Variants in ACCSL observed in about 807,000 individuals in gnomAD.
ACCSL encodes probable inactive 1-aminocyclopropane-1-carboxylate synthase-like protein 2.
A neutral mutation model predicts 61.7 loss-of-function variants in ACCSL; 55 were observed. The ratio of observed to expected loss-of-function variants is 0.89; its 90% CI spans 0.72 to 1.12. ACCSL has a LOEUF of 1.12. Ranked by LOEUF, ACCSL falls within the 50% of genes most tolerant of loss-of-function variation. The pLI is 0.00. For synonymous variants in ACCSL, 258 were observed against 264.3 expected, an observed-to-expected ratio of 0.98 and a Z score of 0.23; for missense variants, 632 against 698.0, an observed-to-expected ratio of 0.91 and a Z score of 1.07.
At chr11:43,943,915 G>T in the ACCSL span, 60 of 1,176,414 alleles carry the variant, frequency 5.1e-5, no homozygotes, top group Admixed American at 1.0e-4. This position sits in a 1 kb window ranked among gnomAD's most constrained non-coding sequence, Gnocchi z 4.8. Context: ...TTGCACCTTC[G>T]GGGTCCAGGC....
the ACCSL span, among the ~76,000 whole-genome samples, chr11:44,000,945 A>G: frequency 6.6e-6 from 1 of 152,184 alleles, no homozygotes; most frequent in Non-Finnish European, 1.5e-5. Context: ...AGGCTGAGGC[A>G]CCGATAAGTT....
chr11:43,966,135 G>T, the ACCSL span, among the ~76,000 whole-genome samples: 1 of 152,088 alleles, frequency 6.6e-6, no homozygotes, highest in Non-Finnish European at 1.5e-5. Context: ...CATCAAAATT[G>T]AAAATTTTGG....
At chr11:44,035,794 C>T in the ACCSL span, among the ~76,000 whole-genome samples, 1 of 151,722 alleles carries the variant, frequency 6.6e-6, no homozygotes, top group Non-Finnish European at 1.5e-5. Flanking sequence ...AAAAATTAGC[C>T]AGGCATGGTG....
chr11:43,930,316 A>G, the ACCSL span, among the ~76,000 whole-genome samples: 1 of 152,124 alleles, frequency 6.6e-6, no homozygotes, highest in Non-Finnish European at 1.5e-5. Flanking sequence ...TCCCATCTGT[A>G]AAATGTAGGG....
chr11:43,982,106 A>G, the ACCSL span, among the ~76,000 whole-genome samples: 1 of 152,066 alleles, frequency 6.6e-6, no homozygotes, highest in African/African-American at 2.4e-5. Context: ...ACCCAGGCTA[A>G]CTGCAGCCTG....
the ACCSL span, among the ~76,000 whole-genome samples, chr11:44,034,324 C>G: frequency 2.0e-5 from 3 of 152,204 alleles, no homozygotes; most frequent in African/African-American, 7.2e-5. Context: ...GTGATTTTGA[C>G]ATGGCCCCTG....
the ACCSL span, among the ~76,000 whole-genome samples, chr11:43,952,401 A>G: frequency 6.6e-6 from 1 of 152,244 alleles, no homozygotes; most frequent in East Asian, 1.9e-4. Context: ...TTCTGCCTCC[A>G]AAGAAAGAAG....
chr11:43,952,058 C>CT, the ACCSL span, among the ~76,000 whole-genome samples: 65 of 146,922 alleles, frequency 4.4e-4, 1 homozygote, highest in Middle Eastern at 3.5e-3. Flanking sequence ...ATATAGGTAT[C>CT]TTTTTTTTTT....
At chr11:43,954,394 G>A in the ACCSL span, among the ~76,000 whole-genome samples, 239 of 152,228 alleles carry the variant, frequency 1.6e-3, 2 homozygotes, top group East Asian at 0.02. Context: ...CTGGTCTGCA[G>A]CAAAATGGGG....
the ACCSL span, among the ~76,000 whole-genome samples, chr11:43,987,546 G>A: frequency 6.6e-6 from 1 of 152,192 alleles, no homozygotes; most frequent in Admixed American, 6.5e-5. Flanking sequence ...AGCTGCAGCT[G>A]CTGTCTGGGA....
At chr11:43,951,305 G>T in the ACCSL span, among the ~76,000 whole-genome samples, 441 of 152,268 alleles carry the variant, frequency 2.9e-3, no homozygotes, top group Non-Finnish European at 4.6e-3. Context: ...TTTCTCCAAG[G>T]CCACCCAAGG....
the ACCSL span, among the ~76,000 whole-genome samples, chr11:44,041,830 C>T: frequency 1.8e-4 from 28 of 152,064 alleles, no homozygotes; most frequent in Non-Finnish European, 3.7e-4. Context: ...AGGAGGCTGG[C>T]TTTTTAGCTG....
the ACCSL span, among the ~76,000 whole-genome samples, chr11:44,006,492 CTT>C: frequency 1.4e-5 from 2 of 141,142 alleles, no homozygotes. Flanking sequence ...CTACTCACCT[CTT>C]TGAGATTTTT....
chr11:44,056,325 A>T lies in ACCSL; in HGVS notation c.1326A>T (p.Thr442=). 1 of 1,612,960 alleles carries T rather than the reference A, an allele frequency of 6.2e-7. No individual in the cohort carries two copies. The highest frequency in any genetic ancestry group is 8.5e-7 in the Non-Finnish European group (1 of 1,179,584). ...QHKLCQLLQN[T]EWIDKVYLPT... is the part of the protein sequence containing the mutation. ...AGCTGTGTCAACTGCTCCAGAACACAGGTACTGAGCTCTAGCACAGACCAG... is the reference window on the plus strand; with the variant it reads ...AGCTGTGTCAACTGCTCCAGAACACTGGTACTGAGCTCTAGCACAGACCAG... The change falls in exon 11 of 14, where the codon ACA becomes ACT. Residue 442 remains threonine (T), a splice_region_variant and synonymous_variant. Transcript: ENST00000378832.
the ACCSL span, among the ~76,000 whole-genome samples, chr11:43,951,506 G>T: frequency 6.6e-6 from 1 of 152,152 alleles, no homozygotes; most frequent in African/African-American, 2.4e-5. Context: ...TGTGGTTATT[G>T]GCACCTGGAA....
chr11:44,020,560 G>T, the ACCSL span, among the ~76,000 whole-genome samples: 2 of 151,808 alleles, frequency 1.3e-5, no homozygotes, highest in Non-Finnish European at 2.9e-5. Context: ...TGTTTTTCCC[G>T]TGCCTATGAA....
At chr11:43,933,029 A>C in the ACCSL span, 1 of 453,908 alleles carries the variant, frequency 2.2e-6, no homozygotes, top group Non-Finnish European at 4.4e-6. Flanking sequence ...ACCTGGGAAA[A>C]CCTCTGACCC....
intron 3 of ACCSL, among the ~76,000 whole-genome samples, chr11:44,050,994 A>G (rs1229349784): frequency 2.6e-5 from 4 of 151,986 alleles, no homozygotes; most frequent in African/African-American, 9.7e-5. Flanking sequence ...GGTGCCCGCC[A>G]CCACGCCCAG....
upstream of ACCSL, among the ~76,000 whole-genome samples, chr11:44,045,665 C>G (rs1033145394): frequency 6.6e-6 from 1 of 152,130 alleles, no homozygotes; most frequent in Non-Finnish European, 1.5e-5. Context: ...TGCCTGGAGT[C>G]CCCGGCTGAG....
Sources: gnomAD v4.1 joint callset for allele counts (sites outside exome capture counted in the v4.1 genomes callset) on GRCh38, gnomAD v4.1.1 for gene constraint, Gnocchi (gnomAD v3.1) non-coding constraint, MANE v1.5 for transcripts, NCBI Gene and HGNC (gene_info 2026-07-23, HGNC 2026-07-21) for gene names.